The following SDK1 variants were observed in gnomAD, a reference collection of about 807,000 sequenced individuals.
The protein encoded by SDK1 is sidekick cell adhesion molecule 1, also known as protein sidekick-1.
In SDK1, 157 loss-of-function variants were observed where a neutral mutation model predicts 245.5. That is an observed-to-expected ratio of 0.64 (90% CI 0.56 to 0.73). The LOEUF is 0.73. Among genes scored for constraint, SDK1 ranks in the 30% least tolerant of loss-of-function variants. SDK1 has a pLI of 0.00. For synonymous variants in SDK1, 1,647 were observed against 1,278.5 expected, an observed-to-expected ratio of 1.29 and a Z score of -6.15; for missense variants, 3,583 against 3,002.3, an observed-to-expected ratio of 1.19 and a Z score of -4.52.
At position 3,917,540 on chromosome 7, in the gene SDK1, G is replaced by A. The variant is rs192227527; in HGVS notation, c.848-33383G>A. ...TCCTTCAGGGGCCAGCAGGTAAAAC[G>A]GACTCTGAGAGCAGAGGCCTGCTAA... On this transcript the variant is annotated intron_variant, in intron 5 of 44. Transcript: ENST00000404826. Among the ~76,000 whole-genome samples the A allele has an allele frequency of 1.4e-3, 210 of 152,250 alleles. 1 individual carries two copies. Among genetic ancestry groups the A allele is most frequent in the Admixed American group, 8.7e-3 (133 of 15,286 alleles).
At chr7:3,699,410 G>A (rs1204769770) in intron 4 of SDK1, among the ~76,000 whole-genome samples, 1 of 152,124 alleles carries the variant, frequency 6.6e-6, no homozygotes, top group African/African-American at 2.4e-5. Context: ...TTTCATCAAA[G>A]CAATCGAAAG....
At chr7:3,953,191 G>A (rs927593877) in intron 7 of SDK1, among the ~76,000 whole-genome samples, 1 of 151,220 alleles carries the variant, frequency 6.6e-6, no homozygotes, top group African/African-American at 2.4e-5. Context: ...AAAAGCTTGT[G>A]TTTTCCTATG....
intron 4 of SDK1, among the ~76,000 whole-genome samples, chr7:3,685,222 AAAAG>A (rs929806033): frequency 1.3e-5 from 2 of 151,920 alleles, no homozygotes; most frequent in African/African-American, 4.8e-5. Flanking sequence ...GTTAAAAAAA[AAAAG>A]AGAGAAATGA....
chr7:3,356,982 G>A (rs1780814798), intron 1 of SDK1, among the ~76,000 whole-genome samples: 1 of 150,152 alleles, frequency 6.7e-6, no homozygotes, highest in South Asian at 2.1e-4. Flanking sequence ...TTGAACCTGG[G>A]AGGCAGAGGT....
At chr7:3,661,800 C>G (rs1783367626) in intron 4 of SDK1, among the ~76,000 whole-genome samples, 1 of 152,078 alleles carries the variant, frequency 6.6e-6, no homozygotes, top group Non-Finnish European at 1.5e-5. Flanking sequence ...GTTGTGTGGC[C>G]TCGGGCAAGC....
chr7:3,857,739 A>G (rs984941625), intron 5 of SDK1, among the ~76,000 whole-genome samples: 1 of 152,188 alleles, frequency 6.6e-6, no homozygotes, highest in Non-Finnish European at 1.5e-5. Context: ...ATTAGGATTA[A>G]TGAGAGTTCT....
chr7:3,787,857 A>T (rs369233935), intron 4 of SDK1, among the ~76,000 whole-genome samples: 2 of 152,160 alleles, frequency 1.3e-5, no homozygotes, highest in African/African-American at 4.8e-5. Flanking sequence ...ACGTGGTTTC[A>T]TTGGGGCCCT....
intron 1 of SDK1, among the ~76,000 whole-genome samples, chr7:3,602,039 G>A (rs1452314817): frequency 6.6e-6 from 1 of 151,738 alleles, no homozygotes; most frequent in African/African-American, 2.4e-5. Context: ...AGTATTCCAT[G>A]GAGTATATGT....
intron 35 of SDK1, among the ~76,000 whole-genome samples, chr7:4,179,787 G>A (rs1404335172): frequency 2.0e-5 from 3 of 151,924 alleles, no homozygotes; most frequent in Admixed American, 1.3e-4. Flanking sequence ...CACTGCGGAC[G>A]GCGGCCATGG....
At chr7:3,727,932 C>T (rs1196448153) in intron 4 of SDK1, among the ~76,000 whole-genome samples, 1 of 152,250 alleles carries the variant, frequency 6.6e-6, no homozygotes, top group Non-Finnish European at 1.5e-5. Context: ...CATTTAGTCA[C>T]TGTATTTCCT....
chr7:4,108,086 G>C (rs544915019), intron 22 of SDK1, among the ~76,000 whole-genome samples: 1 of 152,292 alleles, frequency 6.6e-6, no homozygotes, highest in South Asian at 2.1e-4. Context: ...GCCAACCTGA[G>C]TGAGCTCCTC....
chr7:3,366,928 G>C (rs1183842080), intron 1 of SDK1, among the ~76,000 whole-genome samples: 1 of 151,936 alleles, frequency 6.6e-6, no homozygotes, highest in Non-Finnish European at 1.5e-5. Flanking sequence ...TTTTAGTAGA[G>C]ACAGGGTTTT....
chr7:4,068,360 C>G (rs926277032), intron 20 of SDK1, among the ~76,000 whole-genome samples: 5 of 152,192 alleles, frequency 3.3e-5, no homozygotes, highest in Non-Finnish European at 5.9e-5. Flanking sequence ...GTGACCTTTC[C>G]TTCATTCAGC....
At chr7:3,917,341 G>A (rs1446340762) in intron 5 of SDK1, among the ~76,000 whole-genome samples, 1 of 152,070 alleles carries the variant, frequency 6.6e-6, no homozygotes, top group Non-Finnish European at 1.5e-5. Context: ...GTGATGCAGG[G>A]GTGGCTGGGA....
chr7:3,989,636 C>T (rs1784144868), intron 14 of SDK1, among the ~76,000 whole-genome samples: 1 of 152,166 alleles, frequency 6.6e-6, no homozygotes. Flanking sequence ...CGGGTACCCT[C>T]CCCTGAAACC....
chr7:4,015,219 A>T (rs1308068356), intron 16 of SDK1, among the ~76,000 whole-genome samples: 1 of 152,168 alleles, frequency 6.6e-6, no homozygotes, highest in African/African-American at 2.4e-5. Flanking sequence ...GAATTTTCCC[A>T]ACACCACCCA....
chr7:4,215,232 C>T lies in SDK1; in HGVS notation c.5540-4877C>T, dbSNP rs148418160. Among the ~76,000 whole-genome samples, 1,311 of 152,294 alleles carry T rather than the reference C, an allele frequency of 8.6e-3. 20 individuals carry two copies. The highest frequency in any genetic ancestry group is 0.03 in the African/African-American group (1,243 of 41,576). ...CTCACTGAGTCAGCTTATATCTCAT[C>T]GGGGGCCAGAGCACTGGCATCTGAT... On this transcript the variant is annotated intron_variant, in intron 38 of 44. Coordinates refer to ENST00000404826, the MANE Select transcript of SDK1 (RefSeq NM_152744.4).
At chr7:3,687,681 A>C (rs557510332) in intron 4 of SDK1, among the ~76,000 whole-genome samples, 1 of 152,268 alleles carries the variant, frequency 6.6e-6, no homozygotes, top group African/African-American at 2.4e-5. Context: ...GAATTATCAG[A>C]GTGGAGAACA....
chr7:3,747,247 A>G (rs1048456900), intron 4 of SDK1, among the ~76,000 whole-genome samples: 1 of 152,224 alleles, frequency 6.6e-6, no homozygotes. Context: ...GTAATTAGAA[A>G]TGTATTTTAT....
Sources: gnomAD v4.1 joint callset for allele counts (sites outside exome capture counted in the v4.1 genomes callset) on GRCh38, gnomAD v4.1.1 for gene constraint, MANE v1.5 for transcripts, NCBI Gene and HGNC (gene_info 2026-07-23, HGNC 2026-07-21) for gene names.